The following ZMYM2 variants were observed in gnomAD, a reference collection of about 807,000 sequenced individuals.
ZMYM2 encodes the protein zinc finger MYM-type containing 2.
Under a neutral mutation model 162.8 loss-of-function variants are expected in ZMYM2, and 56 were observed. That is an observed-to-expected ratio of 0.34 (90% CI 0.28 to 0.43). The LOEUF (loss-of-function observed/expected upper bound fraction) is 0.43. Among genes scored for constraint, ZMYM2 ranks in the 20% least tolerant of loss-of-function variants. The probability of loss-of-function intolerance (pLI) is 1.00; values close to 1 mark genes in which losing one functional copy is unlikely to be tolerated. For missense variants in ZMYM2, 1,275 were observed against 1,621.8 expected (o/e 0.79, Z 3.67); for synonymous variants, 510 against 541.6 (o/e 0.94, Z 0.81).
rs200156988 is a variant in ZMYM2 at position 20,071,735 on chromosome 13, A to AATTG, written c.3453+4346_3453+4349dup. The AATTG allele has an allele frequency of 2.8e-3, 481 of 170,580 alleles. 6 individuals carry two copies. Among genetic ancestry groups the AATTG allele is most frequent in the African/African-American group, 0.011 (459 of 42,132 alleles). The allele number at this position is 170,580 out of a possible 1,614,324, so 10.6% of individuals were successfully genotyped here. On this transcript the variant is annotated intron_variant, in intron 21 of 24. Transcript: ENST00000610343. The stretch of plus-strand genomic sequence containing the variant: ...GGTTCAGCTTTAGGAAGTTGGCATT[A>AATTG]ATTGGCCTTAAGTTCCCTGCCCCCA...
chr13:20,023,792 C>T (rs969422878), intron 7 of ZMYM2, among the ~76,000 whole-genome samples: 6 of 152,114 alleles, frequency 3.9e-5, no homozygotes, highest in African/African-American at 1.4e-4. Context: ...GCTGAGTAAA[C>T]ATGGCATAAA....
chr13:20,015,048 A>G (rs901758926), intron 6 of ZMYM2, among the ~76,000 whole-genome samples: 1 of 152,120 alleles, frequency 6.6e-6, no homozygotes, highest in African/African-American at 2.4e-5. Context: ...GGTGTGAGCC[A>G]CCGTGCCTGG....
At chr13:19,896,829 C>T in the ZMYM2 span, among the ~76,000 whole-genome samples, 1 of 150,776 alleles carries the variant, frequency 6.6e-6, no homozygotes, top group African/African-American at 2.5e-5. Context: ...AATCCCAGCA[C>T]TTGGGGAGGC....
At chr13:19,880,697 G>C in the ZMYM2 span, among the ~76,000 whole-genome samples, 1 of 152,158 alleles carries the variant, frequency 6.6e-6, no homozygotes, top group Admixed American at 6.5e-5. Flanking sequence ...CCAAAGTCCT[G>C]GGATTGCAGG....
chr13:19,882,820 A>G, the ZMYM2 span, among the ~76,000 whole-genome samples: 4 of 152,174 alleles, frequency 2.6e-5, no homozygotes, highest in African/African-American at 9.7e-5. Context: ...GGAATATAAA[A>G]TGGAGCAACT....
At chr13:20,058,446 T>G (rs1239348144) in intron 14 of ZMYM2, 129 bp from the exon 15 acceptor site, 1 of 1,058,828 alleles carries the variant, frequency 9.4e-7, no homozygotes, top group East Asian at 2.6e-5. Context: ...ATAGGGATAA[T>G]AGCATAATTT....
the ZMYM2 span, among the ~76,000 whole-genome samples, chr13:19,885,878 T>TATATGTATAC: frequency 9.3e-6 from 1 of 107,346 alleles, no homozygotes; most frequent in African/African-American, 4.3e-5. Flanking sequence ...TATATGTATA[T>TATATGTATAC]ACACATATAT....
chr13:19,957,575 TCTGTCCCTGA>T (rs552825678), upstream of ZMYM2, among the ~76,000 whole-genome samples: 48 of 152,320 alleles, frequency 3.2e-4, no homozygotes, highest in East Asian at 7.9e-3. Flanking sequence ...CCTGTCGTCG[TCTGTCCCTGA>T]CTCCGCTCCC....
chr13:19,995,041 T>TA (rs1388468991), intron 3 of ZMYM2, among the ~76,000 whole-genome samples: 11 of 151,812 alleles, frequency 7.2e-5, no homozygotes, highest in Admixed American at 7.2e-4. Flanking sequence ...GACGGAGTCT[T>TA]ACTGTGTTGC....
At chr13:19,963,600 T>C (rs921488814) in intron 2 of ZMYM2, among the ~76,000 whole-genome samples, 3 of 152,164 alleles carry the variant, frequency 2.0e-5, no homozygotes, top group Non-Finnish European at 2.9e-5. Context: ...TTGATGTCTC[T>C]TACTAAAATA....
intron 2 of ZMYM2, among the ~76,000 whole-genome samples, chr13:19,980,614 A>G (rs1001742640): frequency 6.6e-6 from 1 of 151,840 alleles, no homozygotes; most frequent in African/African-American, 2.4e-5. Flanking sequence ...TTAGCTGGGC[A>G]TGGTGGCAGG....
At chr13:19,942,537 T>C in the ZMYM2 span, among the ~76,000 whole-genome samples, 2 of 117,446 alleles carry the variant, frequency 1.7e-5, no homozygotes, top group Admixed American at 9.0e-5. Context: ...ATACCGTCTC[T>C]ACAAAAAAAA....
At chr13:19,935,131 T>TTTTA in the ZMYM2 span, among the ~76,000 whole-genome samples, 7 of 151,962 alleles carry the variant, frequency 4.6e-5, no homozygotes, top group Non-Finnish European at 8.8e-5. Context: ...TCTGATATTA[T>TTTTA]TTTATTTATT....
chr13:20,001,701 A>T lies in ZMYM2; in HGVS notation c.848-1149A>T, dbSNP rs139635403. The stretch of plus-strand genomic sequence containing the variant: ...AGAAGAGTTCATTGATGGGGTAAAG[A>T]TCATTGTTATCTTATTTTAAGAAAT... On this transcript the variant is annotated intron_variant, in intron 3 of 24. Coordinates refer to ENST00000610343, the MANE Select transcript of ZMYM2 (RefSeq NM_197968.4). Among the ~76,000 whole-genome samples, 172 of 152,280 alleles carry T rather than the reference A, an allele frequency of 1.1e-3. 1 individual carries two copies. In the Middle Eastern group the frequency reaches 0.017, roughly 15 times the overall value.
the ZMYM2 span, among the ~76,000 whole-genome samples, chr13:19,890,463 C>G: frequency 8.2e-6 from 1 of 121,848 alleles, no homozygotes; most frequent in Non-Finnish European, 1.6e-5. Flanking sequence ...CCATAGTTCA[C>G]TGCCCTAAGA....
chr13:20,002,245 G>A (rs1049624745), intron 3 of ZMYM2, among the ~76,000 whole-genome samples: 1 of 152,186 alleles, frequency 6.6e-6, no homozygotes, highest in Non-Finnish European at 1.5e-5. Flanking sequence ...GTTGATATAT[G>A]TGTTCCTTGC....
chr13:19,954,330 G>GTTTTAGCCGGGA (rs759697323), upstream of ZMYM2, among the ~76,000 whole-genome samples: 24 of 150,936 alleles, frequency 1.6e-4, no homozygotes, highest in Non-Finnish European at 3.0e-4. Flanking sequence ...GGGTTTCACC[G>GTTTTAGCCGGGA]TGGTCTCGAT....
chr13:19,981,324 A>T (rs1957309286), intron 2 of ZMYM2, among the ~76,000 whole-genome samples: 1 of 151,710 alleles, frequency 6.6e-6, no homozygotes, highest in Non-Finnish European at 1.5e-5. Context: ...CAAAAAACAA[A>T]CCCCAAACCA....
chr13:19,893,565 C>T, the ZMYM2 span, among the ~76,000 whole-genome samples: 1 of 151,762 alleles, frequency 6.6e-6, no homozygotes, highest in Non-Finnish European at 1.5e-5. Flanking sequence ...TAGTGAAGCC[C>T]CATCTCTGCT....
Sources: gnomAD v4.1 joint callset for allele counts (sites outside exome capture counted in the v4.1 genomes callset) on GRCh38, gnomAD v4.1.1 for gene constraint, MANE v1.5 for transcripts, NCBI Gene and HGNC (gene_info 2026-07-23, HGNC 2026-07-21) for gene names.